Variants in SNX25 observed in about 807,000 individuals in gnomAD.
SNX25 encodes sorting nexin-25.
In SNX25, 62 loss-of-function variants were observed where a neutral mutation model predicts 113.7. The observed-to-expected ratio is 0.55, with a 90% CI of 0.44 to 0.67. SNX25 has a LOEUF of 0.67. SNX25 is among the 30% of genes least tolerant of loss of function. SNX25 has a pLI of 0.00. For synonymous variants in SNX25, 421 were observed against 436.2 expected, an observed-to-expected ratio of 0.97 and a Z score of 0.43; for missense variants, 1,014 against 1,161.0, an observed-to-expected ratio of 0.87 and a Z score of 1.84.
chr4:185,331,389 A>G (rs1211079664), intron 9 of SNX25, among the ~76,000 whole-genome samples: 1 of 152,204 alleles, frequency 6.6e-6, no homozygotes, highest in Non-Finnish European at 1.5e-5. Context: ...AATGCCCAGC[A>G]TTGTACGTTA....
intron 6 of SNX25, among the ~76,000 whole-genome samples, chr4:185,303,918 A>C (rs1319366908): frequency 6.6e-6 from 1 of 152,182 alleles, no homozygotes; most frequent in African/African-American, 2.4e-5. Context: ...TACCAGCCTC[A>C]GGTTGAAAAG....
chr4:185,333,142 G>A (rs568416614), intron 10 of SNX25, among the ~76,000 whole-genome samples: 4 of 152,340 alleles, frequency 2.6e-5, no homozygotes, highest in African/African-American at 9.6e-5. Flanking sequence ...GAACCTTACA[G>A]TATTGTTCAG....
At chr4:185,278,222 G>C (rs1185249120) in intron 5 of SNX25, among the ~76,000 whole-genome samples, 2 of 152,170 alleles carry the variant, frequency 1.3e-5, no homozygotes, top group African/African-American at 4.8e-5. Flanking sequence ...GTACTGTAGA[G>C]AAATGCAGTT....
intron 1 of SNX25, among the ~76,000 whole-genome samples, chr4:185,228,639 A>C (rs920223308): frequency 6.6e-6 from 1 of 152,132 alleles, no homozygotes; most frequent in Non-Finnish European, 1.5e-5. Flanking sequence ...GACCTCAAGC[A>C]GTCCTCCTGC....
intron 3 of SNX25, among the ~76,000 whole-genome samples, chr4:185,262,329 G>A (rs932877741): frequency 3.2e-4 from 48 of 151,960 alleles, no homozygotes; most frequent in African/African-American, 9.4e-4. Flanking sequence ...CATCTGTCTC[G>A]CTCCAGCATG....
At position 185,362,096 on chromosome 4, in the gene SNX25, A is replaced by G; in HGVS notation, c.2824A>G (p.Asn942Asp). 6.2e-7 allele frequency: 1 copy of G among 1,612,440 alleles called. No homozygotes were observed. Among genetic ancestry groups the G allele is most frequent in the Non-Finnish European group, 8.5e-7 (1 of 1,178,984 alleles). The change falls in exon 17 of 19, where the codon AAC becomes GAC. Residue 942 changes from asparagine to aspartate, a missense_variant. Coordinates refer to ENST00000652585, the MANE Select transcript of SNX25 (RefSeq NM_001378034.2). Reference sequence around the variant, plus strand: ...GAGAGCACAGCAAAAGCTGCTTGAAAACATTCCAGGTGAGGCCTGGGCTAT... The same window carrying G: ...GAGAGCACAGCAAAAGCTGCTTGAAGACATTCCAGGTGAGGCCTGGGCTAT... ...KQRAQQKLLE[N>D]IPDMLQSLVG...
Position 185,362,678 on chromosome 4 carries a change from G to A in SNX25, c.2901G>A (p.Leu967=). The change falls in exon 18 of 19, where the codon CTG becomes CTA. Residue 967 remains leucine, a synonymous_variant. Coordinates refer to ENST00000652585, the MANE Select transcript of SNX25 (RefSeq NM_001378034.2). ...GTATAATAAAAATATTCAATGCACT[G>A]CAAGAAACAAGAGCCAACAAGCATC... is the stretch of plus-strand genomic sequence containing the variant. ...RHGIIKIFNA[L]QETRANKHLL... 1 of 1,614,010 alleles carries A rather than the reference G, an allele frequency of 6.2e-7. No individual in the cohort carries two copies. Among genetic ancestry groups the A allele is most frequent in the Non-Finnish European group, 8.5e-7 (1 of 1,179,980 alleles).
chr4:185,295,451 CTTT>C (rs11342153), intron 6 of SNX25, among the ~76,000 whole-genome samples: 45 of 137,590 alleles, frequency 3.3e-4, no homozygotes, highest in Non-Finnish European at 4.1e-4. Context: ...TCTGGTGAGT[CTTT>C]TTTTTTTTTT....
At chr4:185,216,211 T>C (rs1195309301) in intron 1 of SNX25, among the ~76,000 whole-genome samples, 1 of 152,220 alleles carries the variant, frequency 6.6e-6, no homozygotes, top group East Asian at 1.9e-4. Context: ...AGGCAGCCAC[T>C]ATTAACAGTT....
chr4:185,291,110 G>GT (rs1159062784), intron 6 of SNX25, among the ~76,000 whole-genome samples: 2 of 152,152 alleles, frequency 1.3e-5, no homozygotes, highest in Non-Finnish European at 2.9e-5. Context: ...CATGACCTCT[G>GT]TTACGTTCTA....
chr4:185,371,885 G>T (rs569409335), downstream of SNX25, among the ~76,000 whole-genome samples: 18 of 152,148 alleles, frequency 1.2e-4, no homozygotes, highest in African/African-American at 3.1e-4. Flanking sequence ...GGCTCGGAGA[G>T]GGGGGAGACC....
intron 1 of SNX25, among the ~76,000 whole-genome samples, chr4:185,245,797 A>G (rs1462327188): frequency 6.6e-6 from 1 of 152,220 alleles, no homozygotes; most frequent in Non-Finnish European, 1.5e-5. Flanking sequence ...ATGAAGGTAT[A>G]TATGTATCCC....
chr4:185,314,760 C>T (rs1031118778), intron 7 of SNX25, among the ~76,000 whole-genome samples: 1 of 148,272 alleles, frequency 6.7e-6, no homozygotes, highest in Non-Finnish European at 1.5e-5. Context: ...CGGGAGGCTG[C>T]GGCAGAAGAA....
At chr4:185,323,035 C>A (rs1015191942) in intron 8 of SNX25, among the ~76,000 whole-genome samples, 1 of 152,280 alleles carries the variant, frequency 6.6e-6, no homozygotes, top group Middle Eastern at 3.4e-3. Context: ...GAAGACAAAG[C>A]TGTCTAATAT....
At chr4:185,325,532 C>CACAAA (rs2095151042) in intron 9 of SNX25, among the ~76,000 whole-genome samples, 1 of 111,666 alleles carries the variant, frequency 9.0e-6, no homozygotes, top group East Asian at 2.5e-4. Flanking sequence ...GACTCCGTCT[C>CACAAA]AAAAAAAAAA....
At chr4:185,297,193 T>C (rs1264882828) in intron 6 of SNX25, among the ~76,000 whole-genome samples, 2 of 152,254 alleles carry the variant, frequency 1.3e-5, no homozygotes, top group Admixed American at 6.5e-5. Flanking sequence ...CATGTTACTA[T>C]TTAAATTTAA....
At chr4:185,310,424 G>T (rs1404625195) in intron 6 of SNX25, among the ~76,000 whole-genome samples, 2 of 124,764 alleles carry the variant, frequency 1.6e-5, no homozygotes, top group Admixed American at 8.3e-5. Flanking sequence ...GGTAAGATTT[G>T]TCAGTGGTAT....
intron 1 of SNX25, among the ~76,000 whole-genome samples, chr4:185,224,569 GTGTATATAAA>G (rs541265741): frequency 0.39 from 52,763 of 137,032 alleles, 12,050 homozygotes; most frequent in East Asian, 0.59. Context: ...ATATATATAA[GTGTATATAAA>G]TATATATAAA....
In SNX25 at chr4:185,232,235, G is replaced by C. The variant is rs1741980375; in HGVS notation, c.430-15059G>C. On this transcript the variant is annotated intron_variant, in intron 1 of 18. Transcript: ENST00000652585. This position sits in a 1 kb window ranked among gnomAD's most constrained non-coding sequence, Gnocchi z 4.4. ...GGCACACCTGGGACAGTTACAGCAG[G>C]TAATTTATCTCCTAGCACACAAGTC... Among the ~76,000 whole-genome samples the C allele has an allele frequency of 6.6e-6, 1 of 152,118 alleles. No individual in the cohort carries two copies. Among genetic ancestry groups the C allele is most frequent in the Non-Finnish European group, 1.5e-5 (1 of 68,022 alleles).
Sources: allele counts gnomAD v4.1 joint callset (sites outside exome capture counted in the v4.1 genomes callset), GRCh38; gene constraint gnomAD v4.1.1; non-coding constraint Gnocchi (gnomAD v3.1); transcripts MANE v1.5; gene names NCBI Gene and HGNC (gene_info 2026-07-23, HGNC 2026-07-21).